KCNIP4: variants seen among roughly 807,000 people sequenced by gnomAD.
KCNIP4 encodes the protein potassium voltage-gated channel interacting protein 4, also known as Kv channel-interacting protein 4.
In KCNIP4, 12 loss-of-function variants were observed where a neutral mutation model predicts 34.0. The observed-to-expected ratio is 0.35, with a 90% CI of 0.23 to 0.57. The LOEUF (loss-of-function observed/expected upper bound fraction) is 0.57. Ranked by LOEUF, KCNIP4 falls within the 20% of genes least tolerant of loss-of-function variation. KCNIP4 has a pLI of 0.83. For missense variants in KCNIP4, 238 were observed against 311.7 expected, an observed-to-expected ratio of 0.76 and a Z score of 1.78; for synonymous variants, 124 against 102.2, an observed-to-expected ratio of 1.21 and a Z score of -1.29.
chr4:20,922,480 G>A lies in KCNIP4; in HGVS notation c.62-39771C>T, dbSNP rs551136968. Among the ~76,000 whole-genome samples the A allele has an allele frequency of 4.1e-3, 625 of 152,086 alleles. 4 individuals are homozygous for A. The highest frequency in any genetic ancestry group is 0.014 in the African/African-American group (578 of 41,500). On this transcript the variant is annotated intron_variant, in intron 1 of 8. Transcript: ENST00000382152. ...ATCCTGGTTTGCCAGCTTGCAGATG[G>A]CAAATGGTGGGACTTCTAGACCTCA...
rs1466435107 is a variant in KCNIP4 at position 21,393,441 on chromosome 4, A to T, written c.62-510732T>A. ...GAACACTGGGCAGAGTCTAGCTATA[A>T]CTATGCAGGGGTGGCACCACCCATT... On this transcript the variant is annotated intron_variant, in intron 1 of 8. Coordinates refer to ENST00000382152, the MANE Select transcript of KCNIP4 (RefSeq NM_025221.6). 2.0e-5 allele frequency among the ~76,000 whole-genome samples: 3 copies of T among 152,272 alleles called. No individual in the cohort carries two copies. The South Asian group carries it at 6.2e-4, about 32-fold the overall frequency.
At chr4:21,352,138 G>GA (rs1296947576) in intron 1 of KCNIP4, among the ~76,000 whole-genome samples, 8 of 152,022 alleles carry the variant, frequency 5.3e-5, no homozygotes, top group South Asian at 2.1e-4. Flanking sequence ...ACTAAAAAAA[G>GA]AAAAAAATCT....
chr4:21,263,627 A>G (rs979055958), intron 1 of KCNIP4, among the ~76,000 whole-genome samples: 5 of 152,136 alleles, frequency 3.3e-5, no homozygotes, highest in Non-Finnish European at 7.3e-5. Context: ...CTCTAAGACA[A>G]CTTGTATAAC....
At chr4:21,682,341 G>A (rs73256511) in intron 1 of KCNIP4, among the ~76,000 whole-genome samples, 11,668 of 152,092 alleles carry the variant, frequency 0.077, 725 homozygotes, top group African/African-American at 0.17. Flanking sequence ...ATTGTAACTC[G>A]ACATAAGATT....
chr4:21,403,791 C>T (rs1226078289), intron 1 of KCNIP4, among the ~76,000 whole-genome samples: 1 of 152,172 alleles, frequency 6.6e-6, no homozygotes, highest in Non-Finnish European at 1.5e-5. Context: ...AGAGGGTGCC[C>T]TGTTTCTCCT....
chr4:21,459,390 C>T (rs1261364378), intron 1 of KCNIP4, among the ~76,000 whole-genome samples: 5 of 152,060 alleles, frequency 3.3e-5, no homozygotes, highest in Non-Finnish European at 7.4e-5. Flanking sequence ...TTCTTCCTGT[C>T]TCCCTTGCTC....
chr4:21,577,320 C>T lies in KCNIP4; in HGVS notation c.61+371251G>A, dbSNP rs547379668. On this transcript the variant is annotated intron_variant, in intron 1 of 8. Transcript: ENST00000382152. ...ATCTGGCCTTGCACAACTCTTCTGC[C>T]CTCTATTACTTTTAGAACTGCAATT... 9.9e-5 allele frequency among the ~76,000 whole-genome samples: 15 copies of T among 152,176 alleles called. No homozygotes were observed. In the South Asian group the frequency reaches 2.9e-3, roughly 29 times the overall value.
intron 1 of KCNIP4, among the ~76,000 whole-genome samples, chr4:21,534,006 T>A (rs905935683): frequency 6.6e-6 from 1 of 152,138 alleles, no homozygotes; most frequent in Non-Finnish European, 1.5e-5. Context: ...CCATATGACC[T>A]TTGGCTAGAC....
chr4:21,331,284 C>T (rs1715611513), intron 1 of KCNIP4, among the ~76,000 whole-genome samples: 1 of 151,922 alleles, frequency 6.6e-6, no homozygotes, highest in Admixed American at 6.6e-5. Context: ...ATGAAATTTC[C>T]CTCAAGATGC....
intron 1 of KCNIP4, among the ~76,000 whole-genome samples, chr4:20,977,373 T>C (rs1735593141): frequency 6.6e-6 from 1 of 152,170 alleles, no homozygotes; most frequent in Non-Finnish European, 1.5e-5. Context: ...TAATAAGTCC[T>C]AACACTCTCT....
chr4:21,663,387 T>G (rs1462507766), intron 1 of KCNIP4, among the ~76,000 whole-genome samples: 1 of 152,186 alleles, frequency 6.6e-6, no homozygotes, highest in African/African-American at 2.4e-5. Context: ...CAAGGGTAGC[T>G]TGGAGGTGCC....
chr4:21,494,975 C>T (rs1732736304), intron 1 of KCNIP4, among the ~76,000 whole-genome samples: 1 of 151,906 alleles, frequency 6.6e-6, no homozygotes, highest in Non-Finnish European at 1.5e-5. Flanking sequence ...TACAGGTGAG[C>T]AGGTGAGAGA....
intron 1 of KCNIP4, among the ~76,000 whole-genome samples, chr4:21,598,961 G>C (rs1742874594): frequency 6.6e-6 from 1 of 152,100 alleles, no homozygotes; most frequent in Non-Finnish European, 1.5e-5. Flanking sequence ...TCAGGGAACA[G>C]ACATCTCAGA....
chr4:21,501,987 G>GCA (rs529865274), intron 1 of KCNIP4, among the ~76,000 whole-genome samples: 1,359 of 94,818 alleles, frequency 0.014, 53 homozygotes, highest in East Asian at 0.13. Flanking sequence ...TCTCTCTCAT[G>GCA]CACACGCACA....
intron 1 of KCNIP4, among the ~76,000 whole-genome samples, chr4:21,686,442 A>G (rs185794222): frequency 6.6e-6 from 1 of 152,174 alleles, no homozygotes; most frequent in African/African-American, 2.4e-5. Context: ...TTAATTTATT[A>G]GTTTATCTTA....
At chr4:21,610,892 A>G (rs1457301198) in intron 1 of KCNIP4, among the ~76,000 whole-genome samples, 2 of 151,970 alleles carry the variant, frequency 1.3e-5, no homozygotes, top group African/African-American at 4.8e-5. Flanking sequence ...ATAGGTATAT[A>G]TGTGCCACGG....
At chr4:21,822,447 T>C (rs1722412201) in intron 1 of KCNIP4, among the ~76,000 whole-genome samples, 1 of 152,108 alleles carries the variant, frequency 6.6e-6, no homozygotes, top group Admixed American at 6.6e-5. Context: ...CAAAATGTCA[T>C]CCAGGACTCC....
At chr4:21,110,308 C>T (rs1749041330) in intron 1 of KCNIP4, among the ~76,000 whole-genome samples, 1 of 152,058 alleles carries the variant, frequency 6.6e-6, no homozygotes, top group African/African-American at 2.4e-5. Context: ...TTGCTAGAGG[C>T]TAATGAGGAA....
At chr4:21,060,959 C>A (rs1013352013) in intron 1 of KCNIP4, among the ~76,000 whole-genome samples, 1 of 152,122 alleles carries the variant, frequency 6.6e-6, no homozygotes, top group Non-Finnish European at 1.5e-5. Context: ...GAAACATATG[C>A]TAATGACAAA....
Sources: allele counts gnomAD v4.1 joint callset (sites outside exome capture counted in the v4.1 genomes callset), GRCh38; gene constraint gnomAD v4.1.1; transcripts MANE v1.5; gene names NCBI Gene and HGNC (gene_info 2026-07-23, HGNC 2026-07-21).